The following SENP7 variants were observed in gnomAD, a reference collection of about 807,000 sequenced individuals.
SENP7 encodes the protein sentrin-specific protease 7.
In SENP7, 64 loss-of-function variants were observed where a neutral mutation model predicts 141.2. The ratio of observed to expected loss-of-function variants is 0.45; its 90% CI spans 0.37 to 0.56. The LOEUF (loss-of-function observed/expected upper bound fraction) is 0.56. Ranked by LOEUF, SENP7 falls within the 20% of genes least tolerant of loss-of-function variation. SENP7 has a pLI of 0.00. For missense variants in SENP7, 1,025 were observed against 1,212.2 expected (o/e 0.85, Z 2.29); for synonymous variants, 382 against 426.4 (o/e 0.90, Z 1.28).
chr3:101,408,169 T>C (rs2061357412), intron 5 of SENP7, among the ~76,000 whole-genome samples: 1 of 151,988 alleles, frequency 6.6e-6, no homozygotes, highest in African/African-American at 2.4e-5. Flanking sequence ...ACTCATAAAC[T>C]AGAAAACCTA....
intron 5 of SENP7, 57 bp from the exon 6 acceptor site, chr3:101,399,112 T>G: frequency 3.6e-6 from 4 of 1,100,974 alleles, no homozygotes; most frequent in Non-Finnish European, 4.9e-6. Flanking sequence ...TAAAAAAAAA[T>G]GTATTCCAGG....
At chr3:101,329,511 AT>A (rs1271143962) in intron 20 of SENP7, among the ~76,000 whole-genome samples, 1 of 152,124 alleles carries the variant, frequency 6.6e-6, no homozygotes, top group Non-Finnish European at 1.5e-5. Context: ...TTAAGTGGCA[AT>A]CTTAATTTAG....
chr3:101,472,212 T>C (rs1204753505), intron 3 of SENP7, among the ~76,000 whole-genome samples: 3 of 152,236 alleles, frequency 2.0e-5, no homozygotes, highest in African/African-American at 4.8e-5. Context: ...CATATGTTTA[T>C]TGCAGCACTA....
At chr3:101,381,929 A>C in intron 6 of SENP7, among the ~76,000 whole-genome samples, 1 of 152,232 alleles carries the variant, frequency 6.6e-6, no homozygotes, top group Non-Finnish European at 1.5e-5. Context: ...AAGCTTAAAA[A>C]GAAAATCAAC....
chr3:101,469,829 T>A (rs1323969377), intron 3 of SENP7, among the ~76,000 whole-genome samples: 3 of 11,352 alleles, frequency 2.6e-4, no homozygotes, highest in African/African-American at 7.7e-4. Context: ...AGACTCCGTC[T>A]CAAAAAAAAA....
At chr3:101,456,748 T>A (rs1243274688) in intron 4 of SENP7, among the ~76,000 whole-genome samples, 1 of 152,214 alleles carries the variant, frequency 6.6e-6, no homozygotes, top group Non-Finnish European at 1.5e-5. Flanking sequence ...AGCATTCTTA[T>A]GGAAAAGTGA....
intron 11 of SENP7, among the ~76,000 whole-genome samples, chr3:101,359,531 T>G (rs1279040414): frequency 6.6e-6 from 1 of 151,874 alleles, no homozygotes. Context: ...CAATTAATTT[T>G]TAGGACCACT....
intron 5 of SENP7, among the ~76,000 whole-genome samples, chr3:101,410,888 A>AATAAAATAAAATAAAATAAAATAAAAT (rs1576263903): frequency 2.0e-5 from 3 of 151,330 alleles, no homozygotes; most frequent in African/African-American, 4.9e-5. Flanking sequence ...AATAAAATAA[A>AATAAAATAAAATAAAATAAAATAAAAT]AGAATTAGAT....
chr3:101,371,988 G>T lies in SENP7; in HGVS notation c.796+20C>A. 1 of 1,141,686 alleles carries T rather than the reference G, an allele frequency of 8.8e-7. No individual in the cohort carries two copies. Among genetic ancestry groups the T allele is most frequent in the Non-Finnish European group, 1.2e-6 (1 of 833,064 alleles). The allele number at this position is 1,141,686 out of a possible 1,614,324, so 70.7% of individuals were successfully genotyped here. On this transcript the variant is annotated intron_variant, in intron 7 of 23. Transcript: ENST00000394095. ...ATAAGAAAAAATTCAAATTCCAACA[G>T]TTTTCTAAGGTTCACAAACCTTCAG...
chr3:101,412,712 T>G (rs2061490022), intron 5 of SENP7, among the ~76,000 whole-genome samples: 1 of 152,102 alleles, frequency 6.6e-6, no homozygotes, highest in East Asian at 1.9e-4. Context: ...GAAAGATAGT[T>G]TATTTTCTCA....
rs1205736181 is a variant in SENP7, at chr3:101,361,860, A to C, written c.1478T>G (p.Met493Arg). Residue 493 changes from methionine to arginine, a missense_variant and splice_region_variant, in exon 11 of 24, where the codon ATG becomes AGG. Physicochemically the swap from Met to Arg is moderately conservative, Grantham distance 91 (BLOSUM62 -1). This residue lies in a region of SENP7 where 228 missense variants were observed against 228.5 expected (regional missense o/e 1.00). Coordinates refer to ENST00000394095, the MANE Select transcript of SENP7 (RefSeq NM_020654.5). ...LPLITCESVQMSSELCPYNPV... is the reference protein window; with the variant it reads ...LPLITCESVQRSSELCPYNPV... Reference sequence around the variant, plus strand: ...ATTATATGGGCATAATTCAGATGACATCTAACAAGGAATAAATCATAAAAT... The same window carrying C: ...ATTATATGGGCATAATTCAGATGACCTCTAACAAGGAATAAATCATAAAAT... The C allele has an allele frequency of 6.3e-7, 1 of 1,591,128 alleles. No homozygotes were observed. The highest frequency in any genetic ancestry group is 1.4e-5 in the African/African-American group (1 of 73,728).
chr3:101,508,481 C>G (rs1039571784), intron 1 of SENP7, among the ~76,000 whole-genome samples: 1 of 152,210 alleles, frequency 6.6e-6, no homozygotes, highest in South Asian at 2.1e-4. Flanking sequence ...CTCCTGTAGT[C>G]CCAGCTACTC....
At chr3:101,337,426 A>T in intron 17 of SENP7, 83 bp downstream of exon 17, 1 of 964,508 alleles carries the variant, frequency 1.0e-6, no homozygotes, top group Non-Finnish European at 1.5e-6. Flanking sequence ...TTGAGGAAAT[A>T]CTATAAAGAA....
intron 6 of SENP7, among the ~76,000 whole-genome samples, chr3:101,385,197 G>A (rs2060618997): frequency 6.6e-6 from 1 of 151,978 alleles, no homozygotes; most frequent in Non-Finnish European, 1.5e-5. Flanking sequence ...GCCACTTACT[G>A]AAGCATTGAC....
In SENP7 at chr3:101,458,936, G is replaced by GCA; in HGVS notation, c.284+17_284+18dup. 1.4e-6 allele frequency: 2 copies of GCA among 1,433,610 alleles called. No homozygotes were observed. The highest frequency in any genetic ancestry group is 1.9e-6 in the Non-Finnish European group (2 of 1,027,930). 88.8% of individuals were successfully genotyped at this position (1,433,610 alleles called of 1,614,324 possible). ...TTATAGGTTAAGCCCATACTATGTC[G>GCA]CACACACACATATCTTACCTTTCTG... On this transcript the variant is annotated intron_variant, in intron 4 of 23. Transcript: ENST00000394095.
At chr3:101,492,126 G>A (rs11929578) in intron 3 of SENP7, among the ~76,000 whole-genome samples, 14,194 of 151,896 alleles carry the variant, frequency 0.093, 775 homozygotes, top group African/African-American at 0.15. Context: ...AGCCAAGTGC[G>A]GGGGCTCACG....
chr3:101,442,878 C>G (rs989970965), intron 4 of SENP7, among the ~76,000 whole-genome samples: 1 of 151,742 alleles, frequency 6.6e-6, no homozygotes, highest in Admixed American at 6.6e-5. Flanking sequence ...GCCAACAGGA[C>G]ACATGCTACA....
intron 6 of SENP7, among the ~76,000 whole-genome samples, chr3:101,382,728 TA>T (rs1421832994): frequency 2.6e-5 from 4 of 152,346 alleles, no homozygotes; most frequent in African/African-American, 4.8e-5. Context: ...ATAGCTCATC[TA>T]AAGCAGTACA....
chr3:101,512,683 C>A (rs1359759480), intron 1 of SENP7, among the ~76,000 whole-genome samples: 1 of 151,938 alleles, frequency 6.6e-6, no homozygotes, highest in Non-Finnish European at 1.5e-5. Context: ...GGGGAAGGGA[C>A]GCAAAGTCGA....
Sources: gnomAD v4.1 joint callset for allele counts (sites outside exome capture counted in the v4.1 genomes callset) on GRCh38, gnomAD v4.1.1 for gene constraint, gnomAD v4.1.1 regional missense constraint, MANE v1.5 for transcripts, NCBI Gene and HGNC (gene_info 2026-07-23, HGNC 2026-07-21) for gene names.